SH3GL2: variants seen among roughly 807,000 people sequenced by gnomAD.
The protein encoded by SH3GL2 is SH3 domain containing GRB2 like 2, endophilin A1, also known as endophilin-A1.
Under a neutral mutation model 46.0 loss-of-function variants are expected in SH3GL2, and 24 were observed. The observed-to-expected ratio is 0.52, with a 90% CI of 0.38 to 0.73. The LOEUF is 0.73. Among genes scored for constraint, SH3GL2 ranks in the 30% least tolerant of loss-of-function variants. The pLI is 0.00. For missense variants in SH3GL2, 413 were observed against 424.2 expected, an observed-to-expected ratio of 0.97 and a Z score of 0.23; for synonymous variants, 196 against 147.1, an observed-to-expected ratio of 1.33 and a Z score of -2.40.
intron 2 of SH3GL2, among the ~76,000 whole-genome samples, chr9:17,756,932 A>G (rs1823011296): frequency 6.6e-6 from 1 of 152,222 alleles, no homozygotes; most frequent in African/African-American, 2.4e-5. Flanking sequence ...ACCAGTTTAC[A>G]TTCCCACCAA....
At chr9:17,633,352 A>G (rs563176532) in intron 1 of SH3GL2, among the ~76,000 whole-genome samples, 39 of 152,294 alleles carry the variant, frequency 2.6e-4, no homozygotes, top group African/African-American at 8.9e-4. Context: ...ACTACTCTCA[A>G]TGGCTGCACT....
intron 5 of SH3GL2, among the ~76,000 whole-genome samples, chr9:17,787,717 G>A (rs570637609): frequency 1.3e-5 from 2 of 152,046 alleles, no homozygotes; most frequent in African/African-American, 2.4e-5. Flanking sequence ...CACTCATGAG[G>A]GCTGTCTCTG....
Position 17,655,947 on chromosome 9 carries a change from A to C in SH3GL2, c.45+76660A>C, listed in dbSNP as rs918929146. Among the ~76,000 whole-genome samples, 17 of 152,194 alleles carry C rather than the reference A, an allele frequency of 1.1e-4. 1 individual carries two copies. Among genetic ancestry groups the C allele is most frequent in the Admixed American group, 9.8e-4 (15 of 15,278 alleles). On this transcript the variant is annotated intron_variant, in intron 1 of 8. Coordinates refer to ENST00000380607, the MANE Select transcript of SH3GL2 (RefSeq NM_003026.5). ...AGAAGAAAAGTGCTTTTAAAGCCCA[A>C]CTTGGCACATTTTAAGTCAAAATTA...
chr9:17,635,131 C>T (rs950269401), intron 1 of SH3GL2, among the ~76,000 whole-genome samples: 8 of 152,154 alleles, frequency 5.3e-5, no homozygotes, highest in Non-Finnish European at 1.2e-4. Flanking sequence ...GATCTTCTCC[C>T]TGCCCACACC....
intron 2 of SH3GL2, among the ~76,000 whole-genome samples, chr9:17,753,495 C>T (rs1822905661): frequency 6.6e-6 from 1 of 152,092 alleles, no homozygotes; most frequent in African/African-American, 2.4e-5. Flanking sequence ...GTATTCATGT[C>T]CTTTGTCCAC....
At chr9:17,678,413 T>G (rs1039525628) in intron 1 of SH3GL2, among the ~76,000 whole-genome samples, 24 of 152,332 alleles carry the variant, frequency 1.6e-4, no homozygotes, top group African/African-American at 5.3e-4. Flanking sequence ...TCATGTGTTT[T>G]TTGGCTGCAT....
intron 1 of SH3GL2, among the ~76,000 whole-genome samples, chr9:17,738,544 A>ATGTGTGTGT (rs869158464): frequency 0.038 from 2,874 of 75,590 alleles, 320 homozygotes; most frequent in Middle Eastern, 0.073. Context: ...ATATATACAT[A>ATGTGTGTGT]AGTGTGTGTG....
At chr9:17,634,806 A>T (rs969663149) in intron 1 of SH3GL2, among the ~76,000 whole-genome samples, 3 of 152,146 alleles carry the variant, frequency 2.0e-5, no homozygotes, top group African/African-American at 7.2e-5. Flanking sequence ...CCTGGGAATT[A>T]CAGAACCACA....
intron 1 of SH3GL2, among the ~76,000 whole-genome samples, chr9:17,582,763 G>T (rs1262609090): frequency 1.3e-5 from 2 of 152,186 alleles, no homozygotes; most frequent in African/African-American, 4.8e-5. Context: ...TGCCAGTAGG[G>T]CCACGAGCTC....
chr9:17,727,850 C>A (rs950410517), intron 1 of SH3GL2, among the ~76,000 whole-genome samples: 33 of 152,214 alleles, frequency 2.2e-4, no homozygotes, highest in African/African-American at 7.9e-4. Context: ...CTTCTGGCTC[C>A]TTCCCTCTGT....
chr9:17,751,488 G>A (rs1288000415), intron 2 of SH3GL2, among the ~76,000 whole-genome samples: 1 of 151,304 alleles, frequency 6.6e-6, no homozygotes, highest in Non-Finnish European at 1.5e-5. Flanking sequence ...GCGTGTGTGT[G>A]TGTGTGTGTG....
At chr9:17,644,269 A>G (rs11562202) in intron 1 of SH3GL2, among the ~76,000 whole-genome samples, 2 of 150,572 alleles carry the variant, frequency 1.3e-5, no homozygotes, top group Non-Finnish European at 3.0e-5. Flanking sequence ...TAGTTTGTCA[A>G]CTCTTTCAGA....
intron 1 of SH3GL2, among the ~76,000 whole-genome samples, chr9:17,657,263 T>C (rs949282416): frequency 3.3e-5 from 5 of 152,168 alleles, no homozygotes; most frequent in Admixed American, 2.6e-4. Flanking sequence ...AAGAGATACA[T>C]GAACAGACAA....
chr9:17,692,280 C>CT lies in SH3GL2; in HGVS notation c.46-54774dup, dbSNP rs34029180. On this transcript the variant is annotated intron_variant, in intron 1 of 8. Transcript: ENST00000380607. ...TGGTATACAATGGTATTCTTATTTG[C>CT]TTTTTTTTTTTTGCCTGAAGAAACC... is the stretch of plus-strand genomic sequence containing the variant. Among the ~76,000 whole-genome samples, 126 of 146,150 alleles carry CT rather than the reference C, an allele frequency of 8.6e-4. No homozygotes were observed. The Middle Eastern group carries it at 0.014, about 17-fold the overall frequency.
intron 2 of SH3GL2, among the ~76,000 whole-genome samples, chr9:17,756,088 C>G (rs1231434698): frequency 6.6e-6 from 1 of 152,124 alleles, no homozygotes; most frequent in Non-Finnish European, 1.5e-5. Flanking sequence ...TGTCAAAACA[C>G]AAAAGCGTCC....
At chr9:17,615,486 C>G (rs1818969104) in intron 1 of SH3GL2, among the ~76,000 whole-genome samples, 1 of 151,818 alleles carries the variant, frequency 6.6e-6, no homozygotes, top group South Asian at 2.1e-4. Flanking sequence ...GAAACCCCGT[C>G]TCTACTAAAA....
chr9:17,647,108 A>G (rs575873541), intron 1 of SH3GL2, among the ~76,000 whole-genome samples: 1 of 152,322 alleles, frequency 6.6e-6, no homozygotes, highest in Non-Finnish European at 1.5e-5. Flanking sequence ...GTATGGCTAC[A>G]GTGGCTTTGT....
intron 1 of SH3GL2, among the ~76,000 whole-genome samples, chr9:17,623,423 A>C (rs1033790472): frequency 1.3e-5 from 2 of 152,052 alleles, no homozygotes; most frequent in Non-Finnish European, 2.9e-5. Context: ...GTAGACTGAG[A>C]ACAAAATGAC....
chr9:17,714,835 G>T (rs1354577396), intron 1 of SH3GL2, among the ~76,000 whole-genome samples: 3 of 151,590 alleles, frequency 2.0e-5, no homozygotes, highest in African/African-American at 7.3e-5. Flanking sequence ...AATTTCTCAT[G>T]TAGATCCAGA....
Sources: gnomAD v4.1 joint callset for allele counts (sites outside exome capture counted in the v4.1 genomes callset) on GRCh38, gnomAD v4.1.1 for gene constraint, MANE v1.5 for transcripts, NCBI Gene and HGNC (gene_info 2026-07-23, HGNC 2026-07-21) for gene names.